Variants in GRM5 observed in about 807,000 individuals in gnomAD.
GRM5 encodes the protein glutamate metabotropic receptor 5, also known as metabotropic glutamate receptor 5.
A neutral mutation model predicts 83.1 loss-of-function variants in GRM5; 19 were observed. The observed-to-expected ratio is 0.23, with a 90% CI of 0.16 to 0.34. The LOEUF is 0.34. Among genes scored for constraint, GRM5 ranks in the 10% least tolerant of loss-of-function variants. The pLI is 1.00. For synonymous variants in GRM5, 675 were observed against 633.6 expected (o/e 1.07, Z -0.98); for missense variants, 1,160 against 1,588.3 (o/e 0.73, Z 4.58).
chr11:89,036,753 T>C (rs1002972461), intron 2 of GRM5, among the ~76,000 whole-genome samples: 2 of 150,544 alleles, frequency 1.3e-5, no homozygotes, highest in African/African-American at 2.4e-5. Flanking sequence ...ACTACTTAAA[T>C]GAGAATTATT....
chr11:88,645,623 G>A (rs1456277731), intron 4 of GRM5, among the ~76,000 whole-genome samples: 1 of 152,116 alleles, frequency 6.6e-6, no homozygotes, highest in Admixed American at 6.6e-5. Context: ...TGATCTTTAA[G>A]AATGGGAGTA....
At chr11:89,013,328 G>T (rs1303381222) in intron 2 of GRM5, among the ~76,000 whole-genome samples, 1 of 152,126 alleles carries the variant, frequency 6.6e-6, no homozygotes, top group South Asian at 2.1e-4. Flanking sequence ...AAATAATCTT[G>T]TCTTTATGAG....
intron 2 of GRM5, among the ~76,000 whole-genome samples, chr11:88,941,897 T>C (rs1448122399): frequency 6.6e-6 from 1 of 151,976 alleles, no homozygotes; most frequent in African/African-American, 2.4e-5. Flanking sequence ...TTCTATACTA[T>C]AAGATATTCT....
intron 3 of GRM5, among the ~76,000 whole-genome samples, chr11:88,833,510 G>A (rs1322759810): frequency 6.6e-6 from 1 of 151,668 alleles, no homozygotes; most frequent in Non-Finnish European, 1.5e-5. Context: ...CAAAGAAAAG[G>A]GAAAGACAAT....
chr11:88,763,854 A>G (rs1942577135), intron 3 of GRM5, among the ~76,000 whole-genome samples: 1 of 151,762 alleles, frequency 6.6e-6, no homozygotes, highest in African/African-American at 2.4e-5. Flanking sequence ...AAAAAGCAAA[A>G]TGACAGAAAT....
chr11:88,920,492 G>A (rs1338012366), intron 2 of GRM5, among the ~76,000 whole-genome samples: 1 of 148,974 alleles, frequency 6.7e-6, no homozygotes, highest in East Asian at 2.0e-4. Flanking sequence ...ACACTTATGA[G>A]GAACTAATAC....
intron 3 of GRM5, among the ~76,000 whole-genome samples, chr11:88,809,564 T>A (rs2135495658): frequency 6.6e-6 from 1 of 152,190 alleles, no homozygotes; most frequent in East Asian, 1.9e-4. Context: ...TGCTATATTC[T>A]AGAAAATGGA....
chr11:89,017,057 A>G (rs1940876951), intron 2 of GRM5, among the ~76,000 whole-genome samples: 2 of 152,212 alleles, frequency 1.3e-5, no homozygotes, highest in South Asian at 2.1e-4. Flanking sequence ...AGAGGTAGAT[A>G]TAAGAATAAA....
At chr11:88,591,994 T>C (rs938836291) in intron 6 of GRM5, among the ~76,000 whole-genome samples, 12 of 152,202 alleles carry the variant, frequency 7.9e-5, no homozygotes, top group African/African-American at 2.7e-4. Context: ...TAAAGTTAGC[T>C]CACATAGCAT....
At chr11:88,539,836 A>G (rs373078945) in intron 8 of GRM5, among the ~76,000 whole-genome samples, 3 of 152,288 alleles carry the variant, frequency 2.0e-5, no homozygotes, top group East Asian at 3.9e-4. Context: ...TCTTCTCTTT[A>G]CTTGTCTCAG....
In GRM5 at chr11:88,787,131, ATGTGTGTGTGTGTG is replaced by A. The variant is rs57116541; in HGVS notation, c.911+62761_911+62774del. On this transcript the variant is annotated intron_variant, in intron 3 of 9. Coordinates refer to ENST00000305447, the MANE Select transcript of GRM5 (RefSeq NM_001143831.3). The stretch of plus-strand genomic sequence containing the variant: ...ATTTAAAAATATGATATATGATATG[ATGTGTGTGTGTGTG>A]TGTGTGTGTGTGTGTGTGTGTGTGT... Among the ~76,000 whole-genome samples the A allele has an allele frequency of 3.3e-3, 475 of 143,434 alleles. 2 individuals carry two copies. The highest frequency in any genetic ancestry group is 9.6e-3 in the African/African-American group (372 of 38,800). 94.1% of individuals were successfully genotyped at this position (143,434 alleles called of 152,430 possible).
At chr11:88,728,638 A>G (rs1941737587) in intron 3 of GRM5, among the ~76,000 whole-genome samples, 1 of 152,192 alleles carries the variant, frequency 6.6e-6, no homozygotes, top group Non-Finnish European at 1.5e-5. Context: ...AAATACTGGC[A>G]AAATGAATCC....
intron 2 of GRM5, among the ~76,000 whole-genome samples, chr11:88,980,638 T>C (rs892494911): frequency 8.6e-5 from 13 of 151,930 alleles, no homozygotes; most frequent in African/African-American, 3.1e-4. Flanking sequence ...CTGGCTAACA[T>C]GGTGAGCCCC....
intron 2 of GRM5, among the ~76,000 whole-genome samples, chr11:88,891,311 A>C (rs1945140881): frequency 1.3e-5 from 2 of 152,098 alleles, no homozygotes; most frequent in African/African-American, 4.8e-5. Context: ...TCATTTTGGC[A>C]AAATAAGTAA....
At chr11:88,631,022 A>T (rs1938955394) in intron 4 of GRM5, among the ~76,000 whole-genome samples, 1 of 152,156 alleles carries the variant, frequency 6.6e-6, no homozygotes, top group South Asian at 2.1e-4. Flanking sequence ...ACTAGGTGTC[A>T]GTTCTCTGTA....
intron 3 of GRM5, among the ~76,000 whole-genome samples, chr11:88,702,672 C>A (rs1007819358): frequency 6.6e-6 from 1 of 152,028 alleles, no homozygotes; most frequent in East Asian, 1.9e-4. Flanking sequence ...TGAAGCCCAA[C>A]CTCCAGGACC....
intron 2 of GRM5, among the ~76,000 whole-genome samples, chr11:88,971,880 G>A (rs1332400028): frequency 6.6e-6 from 1 of 152,068 alleles, no homozygotes; most frequent in Non-Finnish European, 1.5e-5. Flanking sequence ...CTCCAGGGCT[G>A]AGGCAGGGAA....
intron 3 of GRM5, among the ~76,000 whole-genome samples, chr11:88,735,418 T>G (rs1184477772): frequency 1.3e-5 from 2 of 152,086 alleles, no homozygotes; most frequent in Non-Finnish European, 2.9e-5. Flanking sequence ...TGGTAAAACT[T>G]TGTTTGTCCC....
intron 2 of GRM5, among the ~76,000 whole-genome samples, chr11:89,015,070 G>A (rs1432292722): frequency 6.6e-6 from 1 of 152,186 alleles, no homozygotes; most frequent in African/African-American, 2.4e-5. Flanking sequence ...TTCATTGAAA[G>A]AGCACAGGTG....
Sources: allele counts gnomAD v4.1 joint callset (sites outside exome capture counted in the v4.1 genomes callset), GRCh38; gene constraint gnomAD v4.1.1; transcripts MANE v1.5; gene names NCBI Gene and HGNC (gene_info 2026-07-23, HGNC 2026-07-21).